PDGFRL: variants seen among roughly 807,000 people sequenced by gnomAD.
PDGFRL encodes platelet derived growth factor receptor like.
PDGFRL carries 46 observed loss-of-function variants against 37.2 expected under a neutral mutation model. That is an observed-to-expected ratio of 1.24 (90% CI 0.98 to 1.58). PDGFRL has a LOEUF of 1.58. PDGFRL is among the 40% of genes most tolerant of loss of function. The probability of loss-of-function intolerance (pLI) is 0.00; values close to 1 mark genes in which losing one functional copy is unlikely to be tolerated. For missense variants in PDGFRL, 692 were observed against 467.6 expected, an observed-to-expected ratio of 1.48 and a Z score of -4.43; for synonymous variants, 251 against 184.3, an observed-to-expected ratio of 1.36 and a Z score of -2.93.
intron 2 of PDGFRL, among the ~76,000 whole-genome samples, chr8:17,612,517 C>T (rs1033791740): frequency 6.6e-6 from 1 of 152,042 alleles, no homozygotes; most frequent in Admixed American, 6.6e-5. Flanking sequence ...ATTACAAGCA[C>T]CTGCCACCAT....
intron 2 of PDGFRL, among the ~76,000 whole-genome samples, chr8:17,611,137 C>T (rs1370245212): frequency 6.6e-6 from 1 of 152,224 alleles, no homozygotes; most frequent in Non-Finnish European, 1.5e-5. Flanking sequence ...TCATTCCCAG[C>T]TCTGCCTCTA....
At chr8:17,578,804 T>C (rs976318902) in intron 1 of PDGFRL, among the ~76,000 whole-genome samples, 10 of 152,162 alleles carry the variant, frequency 6.6e-5, no homozygotes, top group African/African-American at 2.4e-4. Flanking sequence ...ATACAAACAA[T>C]AAGCATTTAT....
At chr8:17,609,023 A>G (rs936702633) in intron 2 of PDGFRL, among the ~76,000 whole-genome samples, 1 of 152,184 alleles carries the variant, frequency 6.6e-6, no homozygotes, top group African/African-American at 2.4e-5. Flanking sequence ...GTTTGAGACC[A>G]GCCTGAGCAA....
intron 1 of PDGFRL, among the ~76,000 whole-genome samples, chr8:17,581,717 C>T (rs1379416005): frequency 1.3e-5 from 2 of 152,132 alleles, no homozygotes; most frequent in Non-Finnish European, 2.9e-5. Flanking sequence ...TATCGTTGCC[C>T]TCTGCCCTGA....
chr8:17,591,778 G>A (rs1393097865), intron 2 of PDGFRL, among the ~76,000 whole-genome samples: 1 of 152,098 alleles, frequency 6.6e-6, no homozygotes, highest in Admixed American at 6.5e-5. Flanking sequence ...TTAGCTGGGC[G>A]TGGTGCATGT....
chr8:17,591,893 C>A (rs1358671764), intron 2 of PDGFRL, among the ~76,000 whole-genome samples: 1 of 152,058 alleles, frequency 6.6e-6, no homozygotes, highest in Non-Finnish European at 1.5e-5. Context: ...TCCAGCCTAG[C>A]AACATCGCGA....
intron 3 of PDGFRL, among the ~76,000 whole-genome samples, chr8:17,627,781 G>A (rs1038646160): frequency 1.3e-5 from 2 of 151,202 alleles, no homozygotes; most frequent in African/African-American, 2.4e-5. Context: ...TGGCCAGATT[G>A]CAAATATATT....
chr8:17,635,760 T>C (rs1804959787), intron 5 of PDGFRL, among the ~76,000 whole-genome samples: 3 of 152,336 alleles, frequency 2.0e-5, no homozygotes, highest in Non-Finnish European at 2.9e-5. Flanking sequence ...AGTGTTGCCT[T>C]TTCACCACAT....
intron 2 of PDGFRL, among the ~76,000 whole-genome samples, chr8:17,596,866 C>G (rs1804064082): frequency 6.6e-6 from 1 of 152,232 alleles, no homozygotes; most frequent in African/African-American, 2.4e-5. Flanking sequence ...GAAACGGACT[C>G]TTGACATCGT....
intron 2 of PDGFRL, among the ~76,000 whole-genome samples, chr8:17,609,710 G>T (rs1328816352): frequency 6.8e-6 from 1 of 146,100 alleles, no homozygotes; most frequent in Non-Finnish European, 1.5e-5. Flanking sequence ...AAAAGATTGT[G>T]ATATGCAGCC....
chr8:17,581,716 C>T (rs1803712214), intron 1 of PDGFRL, among the ~76,000 whole-genome samples: 2 of 152,130 alleles, frequency 1.3e-5, no homozygotes, highest in Non-Finnish European at 2.9e-5. Context: ...TTATCGTTGC[C>T]CTCTGCCCTG....
chr8:17,617,926 C>A (rs946664245), intron 2 of PDGFRL, among the ~76,000 whole-genome samples: 6 of 152,132 alleles, frequency 3.9e-5, no homozygotes, highest in South Asian at 2.1e-4. Flanking sequence ...CTGAGCTCTA[C>A]GGGAATGTGG....
chr8:17,576,676 C>G (rs998709672), upstream of PDGFRL: 6 of 980,726 alleles, frequency 6.1e-6, no homozygotes, highest in South Asian at 2.8e-4. Flanking sequence ...CTCCCACCCC[C>G]ACCAGCAGTT....
intron 2 of PDGFRL, among the ~76,000 whole-genome samples, chr8:17,590,328 A>G (rs867604394): frequency 1.1e-4 from 17 of 151,902 alleles, no homozygotes; most frequent in Middle Eastern, 3.4e-3. Flanking sequence ...CCATATGACA[A>G]TTTTCTATGA....
At chr8:17,622,429 T>C (rs1269604439) in intron 3 of PDGFRL, among the ~76,000 whole-genome samples, 1 of 115,758 alleles carries the variant, frequency 8.6e-6, no homozygotes, top group Non-Finnish European at 1.9e-5. Context: ...GGCCTAGACC[T>C]AGACATAGGC....
intron 2 of PDGFRL, among the ~76,000 whole-genome samples, chr8:17,591,123 C>T (rs1302544387): frequency 6.6e-6 from 1 of 152,052 alleles, no homozygotes; most frequent in East Asian, 1.9e-4. Context: ...ACCTCATGAT[C>T]CGCCTGCCTC....
At chr8:17,601,802 T>C (rs1296785718) in intron 2 of PDGFRL, among the ~76,000 whole-genome samples, 5 of 152,216 alleles carry the variant, frequency 3.3e-5, no homozygotes, top group African/African-American at 7.2e-5. Flanking sequence ...CATGATTTCA[T>C]TCTTTTTTAT....
intron 5 of PDGFRL, among the ~76,000 whole-genome samples, chr8:17,641,916 G>A (rs1805118629): frequency 4.6e-4 from 1 of 2,168 alleles, no homozygotes; most frequent in African/African-American, 1.0e-3. Context: ...ATTGCTATTT[G>A]GTATTTTATG....
chr8:17,585,792 C>G (rs1803802264), intron 1 of PDGFRL, among the ~76,000 whole-genome samples: 1 of 152,186 alleles, frequency 6.6e-6, no homozygotes, highest in African/African-American at 2.4e-5. Context: ...TCTCCTCCAA[C>G]ACAGTTCTAT....
Sources: gnomAD v4.1 joint callset for allele counts (sites outside exome capture counted in the v4.1 genomes callset) on GRCh38, gnomAD v4.1.1 for gene constraint, MANE v1.5 for transcripts, NCBI Gene and HGNC (gene_info 2026-07-23, HGNC 2026-07-21) for gene names.